KDM4C: variants seen among roughly 807,000 people sequenced by gnomAD.
KDM4C encodes the protein lysine demethylase 4C.
Under a neutral mutation model 129.3 loss-of-function variants are expected in KDM4C, and 81 were observed. The ratio of observed to expected loss-of-function variants is 0.63; its 90% CI spans 0.52 to 0.75. The LOEUF (loss-of-function observed/expected upper bound fraction) is 0.75. Among genes scored for constraint, KDM4C ranks in the 30% least tolerant of loss-of-function variants. The pLI, the probability that KDM4C is intolerant of heterozygous loss-of-function variation, is 0.00. For missense variants in KDM4C, 1,457 were observed against 1,304.0 expected (o/e 1.12, Z -1.81); for synonymous variants, 573 against 456.1 (o/e 1.26, Z -3.26).
chr9:6,724,703 G>C (rs1019887484), intron 1 of KDM4C, among the ~76,000 whole-genome samples: 1 of 151,960 alleles, frequency 6.6e-6, no homozygotes, highest in African/African-American at 2.4e-5. Context: ...GCTAATTTTT[G>C]TATTTTTAGT....
At chr9:6,823,214 A>G (rs1479227837) in intron 4 of KDM4C, among the ~76,000 whole-genome samples, 4 of 152,180 alleles carry the variant, frequency 2.6e-5, no homozygotes, top group Admixed American at 1.3e-4. Context: ...TCTCATCCTC[A>G]TCTCTATTCT....
At chr9:6,768,472 A>G (rs1056535858) in intron 1 of KDM4C, among the ~76,000 whole-genome samples, 2 of 152,054 alleles carry the variant, frequency 1.3e-5, no homozygotes, top group African/African-American at 4.8e-5. Context: ...CAGTAACTCA[A>G]TGTGTATTTC....
intron 8 of KDM4C, among the ~76,000 whole-genome samples, chr9:6,967,088 T>C (rs981860683): frequency 6.6e-6 from 1 of 152,106 alleles, no homozygotes; most frequent in Admixed American, 6.6e-5. Context: ...AACTCAATCA[T>C]GAAGTGACTA....
rs190186239 is a variant in KDM4C, at chr9:6,785,545, G to T, written c.-17-7427G>T. Among the ~76,000 whole-genome samples the T allele has an allele frequency of 2.7e-4, 41 of 152,186 alleles. No individual in the cohort carries two copies. In the East Asian group the frequency reaches 7.7e-3, roughly 29 times the overall value. ...GTAGAGACAGGGTTTTGCCGTATTGGCCAGGCTGGTCTTGAACTCCTGACC... is the reference window on the plus strand; with the variant it reads ...GTAGAGACAGGGTTTTGCCGTATTGTCCAGGCTGGTCTTGAACTCCTGACC... On this transcript the variant is annotated intron_variant, in intron 1 of 21. Coordinates refer to ENST00000381309, the MANE Select transcript of KDM4C (RefSeq NM_015061.6).
At chr9:7,133,089 C>G (rs1410685404) in intron 19 of KDM4C, among the ~76,000 whole-genome samples, 2 of 152,118 alleles carry the variant, frequency 1.3e-5, no homozygotes, top group Non-Finnish European at 2.9e-5. Flanking sequence ...CACATAAAGG[C>G]AGTTTGCTTA....
At chr9:6,876,548 T>G (rs1739336720) in intron 5 of KDM4C, among the ~76,000 whole-genome samples, 2 of 152,216 alleles carry the variant, frequency 1.3e-5, no homozygotes, top group Admixed American at 6.5e-5. Flanking sequence ...TATATGCACC[T>G]TGCTGTTTTG....
intron 1 of KDM4C, among the ~76,000 whole-genome samples, chr9:6,744,862 G>A (rs908349670): frequency 7.2e-5 from 11 of 152,080 alleles, no homozygotes; most frequent in Non-Finnish European, 1.0e-4. Context: ...GTGGGGGGTG[G>A]GGAGAGCAGG....
intron 1 of KDM4C, among the ~76,000 whole-genome samples, chr9:6,730,121 A>G (rs1817271568): frequency 6.6e-6 from 1 of 151,652 alleles, no homozygotes; most frequent in Admixed American, 6.6e-5. Context: ...AAAAAAAGAA[A>G]AAAAAAAAGG....
intron 4 of KDM4C, 177 bp downstream of exon 4, chr9:6,814,922 G>A (rs1313160420): frequency 2.3e-6 from 1 of 429,300 alleles, no homozygotes; most frequent in African/African-American, 2.0e-5. Context: ...TCAAACTGAA[G>A]CTAGATAATC....
At chr9:6,852,349 C>G (rs1839002346) in intron 5 of KDM4C, among the ~76,000 whole-genome samples, 1 of 152,156 alleles carries the variant, frequency 6.6e-6, no homozygotes, top group Admixed American at 6.5e-5. Flanking sequence ...TTATTATGCA[C>G]TAGTGCATGT....
At chr9:6,974,079 T>TC (rs938276123) in intron 8 of KDM4C, among the ~76,000 whole-genome samples, 14 of 152,144 alleles carry the variant, frequency 9.2e-5, no homozygotes, top group Non-Finnish European at 1.8e-4. Flanking sequence ...AACCCCCTTT[T>TC]CCCCCAGTTA....
At chr9:7,150,115 A>T (rs1714641859) in intron 19 of KDM4C, among the ~76,000 whole-genome samples, 1 of 152,214 alleles carries the variant, frequency 6.6e-6, no homozygotes. Flanking sequence ...GGATAGACTG[A>T]CCAGCTATGC....
intron 8 of KDM4C, among the ~76,000 whole-genome samples, chr9:6,936,050 AT>A (rs1824722071): frequency 6.6e-6 from 1 of 152,186 alleles, no homozygotes; most frequent in Admixed American, 6.5e-5. Context: ...TTTACAAACA[AT>A]TTTTTGTAAC....
intron 8 of KDM4C, among the ~76,000 whole-genome samples, chr9:6,960,758 G>C (rs565599812): frequency 6.6e-6 from 1 of 152,242 alleles, no homozygotes; most frequent in African/African-American, 2.4e-5. Flanking sequence ...AAGTTGCTTA[G>C]ACCCAGTGCA....
upstream of KDM4C, among the ~76,000 whole-genome samples, chr9:6,756,823 C>T (rs1563932647): frequency 6.6e-6 from 1 of 152,250 alleles, no homozygotes; most frequent in Non-Finnish European, 1.5e-5. Flanking sequence ...CACATTCCAT[C>T]TGTCCTCACA....
chr9:6,958,628 T>G (rs1829503455), intron 8 of KDM4C, among the ~76,000 whole-genome samples: 2 of 151,872 alleles, frequency 1.3e-5, no homozygotes, highest in African/African-American at 4.8e-5. Flanking sequence ...GAATATTTAC[T>G]TTTTCCCCCT....
intron 8 of KDM4C, among the ~76,000 whole-genome samples, chr9:6,953,964 A>G (rs1338335929): frequency 6.6e-6 from 1 of 152,102 alleles, no homozygotes; most frequent in Non-Finnish European, 1.5e-5. Flanking sequence ...TTCATCTTGA[A>G]TTTACCTTTT....
intron 5 of KDM4C, among the ~76,000 whole-genome samples, chr9:6,866,362 C>G (rs1841979578): frequency 6.6e-6 from 1 of 152,056 alleles, no homozygotes; most frequent in South Asian, 2.1e-4. Context: ...TTCCTTAGCT[C>G]TAGTAAAGGA....
At chr9:6,824,477 C>T (rs1268832479) in intron 4 of KDM4C, among the ~76,000 whole-genome samples, 1 of 152,116 alleles carries the variant, frequency 6.6e-6, no homozygotes, top group African/African-American at 2.4e-5. Flanking sequence ...AACTCTTTTA[C>T]TCCAAGACAG....
Sources: allele counts gnomAD v4.1 joint callset (sites outside exome capture counted in the v4.1 genomes callset), GRCh38; gene constraint gnomAD v4.1.1; transcripts MANE v1.5; gene names NCBI Gene and HGNC (gene_info 2026-07-23, HGNC 2026-07-21).